Variants in AGBL3 observed in about 807,000 individuals in gnomAD.
The protein encoded by AGBL3 is AGBL carboxypeptidase 3, also known as cytosolic carboxypeptidase 3.
In AGBL3, 68 loss-of-function variants were observed where a neutral mutation model predicts 94.5. The ratio of observed to expected loss-of-function variants is 0.72; its 90% CI spans 0.59 to 0.88. AGBL3 has a LOEUF of 0.88. Among genes scored for constraint, AGBL3 ranks in the 40% least tolerant of loss-of-function variants. AGBL3 has a pLI of 0.00. For missense variants in AGBL3, 934 were observed against 1,103.8 expected (o/e 0.85, Z 2.18); for synonymous variants, 354 against 370.7 (o/e 0.95, Z 0.52).
intron 8 of AGBL3, among the ~76,000 whole-genome samples, chr7:135,040,495 T>C (rs1286509728): frequency 1.3e-5 from 2 of 152,086 alleles, no homozygotes; most frequent in Admixed American, 6.5e-5. Context: ...TAATCCACTA[T>C]GTTAAGAGTT....
intron 15 of AGBL3, among the ~76,000 whole-genome samples, chr7:135,112,148 C>T (rs1042194763): frequency 1.3e-5 from 2 of 152,196 alleles, no homozygotes; most frequent in African/African-American, 2.4e-5. Context: ...TCTCTTCATC[C>T]TAATGCTACC....
intron 5 of AGBL3, among the ~76,000 whole-genome samples, chr7:135,020,837 C>T (rs771792651): frequency 2.7e-5 from 4 of 146,818 alleles, no homozygotes; most frequent in Non-Finnish European, 5.9e-5. Flanking sequence ...CATGTTCTCA[C>T]TCCTAGGTGG....
At chr7:135,080,518 T>C (rs922177625) in intron 14 of AGBL3, among the ~76,000 whole-genome samples, 5 of 152,136 alleles carry the variant, frequency 3.3e-5, no homozygotes, top group Admixed American at 1.3e-4. Flanking sequence ...GTCAATTACA[T>C]TGGAGAATAG....
chr7:135,034,247 T>A lies in AGBL3; in HGVS notation c.656T>A (p.Ile219Lys). ...YFQVTNMRAG[I>K]VYRFTIVNFT... is the part of the protein sequence containing the mutation. ...CAAGTCACTAATATGCGAGCAGGAA[T>A]AGTCTACAGATTCACTATTGTCAAC... Residue 219 changes from isoleucine (I) to lysine (K), a missense_variant, in exon 7 of 17, where the codon ATA becomes AAA. Coordinates refer to ENST00000436302, the MANE Select transcript of AGBL3 (RefSeq NM_178563.4). 1 of 1,551,736 alleles carries A rather than the reference T, an allele frequency of 6.4e-7. No individual in the cohort carries two copies. Among genetic ancestry groups the A allele is most frequent in the Non-Finnish European group, 8.7e-7 (1 of 1,146,988 alleles).
At chr7:135,014,263 T>C (rs1031540370) in intron 4 of AGBL3, among the ~76,000 whole-genome samples, 1 of 151,368 alleles carries the variant, frequency 6.6e-6, no homozygotes, top group African/African-American at 2.4e-5. Context: ...CATAATGAGA[T>C]TGTGGATTTT....
intron 8 of AGBL3, among the ~76,000 whole-genome samples, chr7:135,041,896 T>C (rs1317965038): frequency 6.6e-6 from 1 of 152,112 alleles, no homozygotes; most frequent in Non-Finnish European, 1.5e-5. Flanking sequence ...AAAAAGGATA[T>C]GTGAAGGCAA....
At chr7:135,102,090 A>T (rs949791763) in intron 15 of AGBL3, among the ~76,000 whole-genome samples, 5 of 152,176 alleles carry the variant, frequency 3.3e-5, no homozygotes, top group African/African-American at 1.2e-4. Flanking sequence ...TCCTTTATAA[A>T]TTACCCAGTC....
chr7:135,083,066 G>A (rs4732089), intron 15 of AGBL3, among the ~76,000 whole-genome samples: 144,767 of 152,088 alleles, frequency 0.95, 69,246 homozygotes, highest in Non-Finnish European at 1. Flanking sequence ...CTTTTTTCTC[G>A]CTTTCACTTC....
At chr7:135,077,585 T>TA (rs1014238513) in intron 13 of AGBL3, among the ~76,000 whole-genome samples, 3 of 151,602 alleles carry the variant, frequency 2.0e-5, no homozygotes, top group Non-Finnish European at 4.4e-5. Context: ...AATTATGGCT[T>TA]AAAAAAAAAT....
At chr7:135,095,481 A>C (rs1822528578) in intron 15 of AGBL3, among the ~76,000 whole-genome samples, 1 of 152,230 alleles carries the variant, frequency 6.6e-6, no homozygotes, top group South Asian at 2.1e-4. Flanking sequence ...AACATTAAAC[A>C]GTCCAATTCC....
chr7:135,040,048 C>A (rs1816697719), intron 8 of AGBL3, among the ~76,000 whole-genome samples: 1 of 152,050 alleles, frequency 6.6e-6, no homozygotes, highest in Non-Finnish European at 1.5e-5. Flanking sequence ...ACAGACCCTG[C>A]AGGCATTAAA....
At chr7:135,053,660 G>T (rs553809726) in intron 11 of AGBL3, among the ~76,000 whole-genome samples, 2 of 152,168 alleles carry the variant, frequency 1.3e-5, no homozygotes, top group South Asian at 4.2e-4. Context: ...GCCAAAGCTG[G>T]ACGACCATCT....
chr7:135,062,545 T>A (rs1298390484), intron 12 of AGBL3, among the ~76,000 whole-genome samples: 1 of 119,768 alleles, frequency 8.3e-6, no homozygotes, highest in Admixed American at 8.6e-5. Context: ...TTTTATACCT[T>A]ATTTTTGGAG....
At chr7:135,104,418 G>A (rs2117061239) in intron 15 of AGBL3, among the ~76,000 whole-genome samples, 1 of 152,240 alleles carries the variant, frequency 6.6e-6, no homozygotes, top group Non-Finnish European at 1.5e-5. Flanking sequence ...ATGATAAAAT[G>A]ATTTATATTG....
At chr7:134,989,590 A>C (rs539197500) in intron 3 of AGBL3, among the ~76,000 whole-genome samples, 1 of 152,336 alleles carries the variant, frequency 6.6e-6, no homozygotes, top group African/African-American at 2.4e-5. Context: ...GTATGACTCA[A>C]GTTATAACGG....
At chr7:135,096,531 A>T (rs1822748627) in intron 15 of AGBL3, among the ~76,000 whole-genome samples, 1 of 151,384 alleles carries the variant, frequency 6.6e-6, no homozygotes, top group African/African-American at 2.4e-5. Flanking sequence ...AGAGAAAAAA[A>T]CAAAAAGAAA....
intron 15 of AGBL3, among the ~76,000 whole-genome samples, chr7:135,095,305 C>T (rs1344927782): frequency 6.6e-6 from 1 of 152,142 alleles, no homozygotes; most frequent in East Asian, 1.9e-4. Flanking sequence ...CTTACCACCA[C>T]ACCAACATGA....
chr7:135,129,410 G>C (rs990755856), intron 16 of AGBL3: 1 of 805,726 alleles, frequency 1.2e-6, no homozygotes, highest in African/African-American at 1.7e-5. Flanking sequence ...GGTATGATAA[G>C]AGGGTGATTC....
intron 4 of AGBL3, among the ~76,000 whole-genome samples, chr7:135,003,199 T>C (rs1345832974): frequency 6.6e-6 from 1 of 152,164 alleles, no homozygotes; most frequent in Non-Finnish European, 1.5e-5. Context: ...AATCCAGTCC[T>C]ATTATTAAAT....
Sources: gnomAD v4.1 joint callset for allele counts (sites outside exome capture counted in the v4.1 genomes callset) on GRCh38, gnomAD v4.1.1 for gene constraint, MANE v1.5 for transcripts, NCBI Gene and HGNC (gene_info 2026-07-23, HGNC 2026-07-21) for gene names.